Variants in ABCC1 observed in about 807,000 individuals in gnomAD.
ABCC1 encodes ATP binding cassette subfamily C member 1 (ABCC1 blood group).
In ABCC1, 83 loss-of-function variants were observed where a neutral mutation model predicts 172.9. The observed-to-expected ratio is 0.48, with a 90% CI of 0.40 to 0.58. The LOEUF is 0.58. Ranked by LOEUF, ABCC1 falls within the 20% of genes least tolerant of loss-of-function variation. The pLI is 0.00. For synonymous variants in ABCC1, 937 were observed against 825.2 expected (o/e 1.14, Z -2.32); for missense variants, 1,817 against 2,002.7 (o/e 0.91, Z 1.77).
intron 17 of ABCC1, among the ~76,000 whole-genome samples, chr16:16,084,916 C>T (rs1316262341): frequency 6.6e-6 from 1 of 152,166 alleles, no homozygotes; most frequent in Non-Finnish European, 1.5e-5. Context: ...CCACCTCGCC[C>T]GGCCTATAAC....
rs1284253621 is a variant in ABCC1, at chr16:15,978,391, CAAAT to C, written c.48+28596_48+28599del. On this transcript the variant is annotated intron_variant, in intron 1 of 30. Coordinates refer to ENST00000399410, the MANE Select transcript of ABCC1 (RefSeq NM_004996.4). Reference sequence around the variant, plus strand: ...TCAAACAAACAAACAAACAAACAAACAAATAAACAAAAAACAGGTATTGTCCTTG... The same window carrying C: ...TCAAACAAACAAACAAACAAACAAACAAACAAAAAACAGGTATTGTCCTTG... 8.9e-4 allele frequency among the ~76,000 whole-genome samples: 135 copies of C among 151,632 alleles called. 1 individual carries two copies. The highest frequency in any genetic ancestry group is 2.8e-3 in the African/African-American group (116 of 41,138).
At chr16:16,106,416 GAAA>G (rs56210046) in intron 20 of ABCC1, 65 of 124,588 alleles carry the variant, frequency 5.2e-4, no homozygotes, top group East Asian at 1.1e-3. Context: ...ATTGATCTCA[GAAA>G]AAAAAAAAAA....
intron 27 of ABCC1, among the ~76,000 whole-genome samples, chr16:16,132,449 C>T (rs1451887865): frequency 2.0e-5 from 3 of 149,596 alleles, no homozygotes; most frequent in African/African-American, 4.9e-5. Flanking sequence ...GCTGGGATTA[C>T]AGGAATCAGC....
intron 1 of ABCC1, among the ~76,000 whole-genome samples, chr16:16,000,427 G>C (rs886585984): frequency 1.3e-5 from 2 of 151,118 alleles, no homozygotes; most frequent in Non-Finnish European, 2.9e-5. Flanking sequence ...TTACAGGCAT[G>C]AGCCACCGTG....
In ABCC1 at chr16:16,033,138, C is replaced by T. The variant is rs772791393; in HGVS notation, c.645C>T (p.Phe215=). ...CCTGCCCAGAGTCCAGCGCTTCCTT[C>T]CTGTCGAGGATCACCTTCTGGTGGA... is the stretch of plus-strand genomic sequence containing the variant. ...PNPCPESSAS[F]LSRITFWWIT... The change falls in exon 6 of 31, where the codon TTC becomes TTT. Residue 215 remains phenylalanine (F), a synonymous_variant. Coordinates refer to ENST00000399410, the MANE Select transcript of ABCC1 (RefSeq NM_004996.4). 2.2e-5 allele frequency: 36 copies of T among 1,614,076 alleles called. No individual in the cohort carries two copies. Among genetic ancestry groups the T allele is most frequent in the Non-Finnish European group, 2.9e-5 (34 of 1,180,038 alleles).
intron 16 of ABCC1, 32 bp from the exon 17 acceptor site, chr16:16,083,334 C>G (rs2050877995): frequency 1.9e-6 from 3 of 1,605,712 alleles, no homozygotes; most frequent in South Asian, 2.2e-5. Flanking sequence ...GTCTGTGTGT[C>G]TGTCTCACCT....
At chr16:16,054,867 A>T (rs1171264762) in intron 11 of ABCC1, among the ~76,000 whole-genome samples, 4 of 152,238 alleles carry the variant, frequency 2.6e-5, no homozygotes. Context: ...AAAAGTATTT[A>T]ACAACTGCAC....
intron 1 of ABCC1, among the ~76,000 whole-genome samples, chr16:15,953,053 GGGCCGGGT>G (rs1233394815): frequency 6.9e-6 from 1 of 145,318 alleles, no homozygotes; most frequent in Non-Finnish European, 1.5e-5. Flanking sequence ...AAAAAAAAGA[GGGCCGGGT>G]GTAGTAGATC....
chr16:16,001,786 C>CT (rs1272516552), intron 1 of ABCC1, among the ~76,000 whole-genome samples: 36 of 152,152 alleles, frequency 2.4e-4, no homozygotes, highest in Non-Finnish European at 1.3e-4. Context: ...GCCTTTGTAC[C>CT]TTATCAGCTG....
At position 16,141,789 on chromosome 16, in the gene ABCC1, T is replaced by C; in HGVS notation, c.*508T>C. On this transcript the variant is annotated 3_prime_UTR_variant, in exon 31 of 31. Transcript: ENST00000399410. Reference sequence around the variant, plus strand: ...CTTCATTTCCTTGGGGCTGCAGTTTTGTGGTTGAGGGGCCTGGAGAAAATC... The same window carrying C: ...CTTCATTTCCTTGGGGCTGCAGTTTCGTGGTTGAGGGGCCTGGAGAAAATC... 6.4e-6 allele frequency: 1 copy of C among 156,590 alleles called. No homozygotes were observed. The highest frequency in any genetic ancestry group is 1.9e-4 in the East Asian group (1 of 5,362). 9.7% of individuals were successfully genotyped at this position (156,590 alleles called of 1,614,324 possible).
intron 5 of ABCC1, among the ~76,000 whole-genome samples, chr16:16,021,532 C>T (rs1254827249): frequency 6.6e-6 from 1 of 152,042 alleles, no homozygotes; most frequent in East Asian, 1.9e-4. Context: ...GCCTGACCAA[C>T]ATGGTGAAAT....
chr16:16,124,828 C>T lies in ABCC1; in HGVS notation c.3630C>T (p.Ile1210=), dbSNP rs563034902. 1.2e-4 allele frequency: 200 copies of T among 1,614,208 alleles called. 2 individuals are homozygous for T. In the South Asian group the frequency reaches 1.5e-3, roughly 12 times the overall value. ...GGCTGGAGTGTGTGGGCAACTGCAT[C>T]GTTCTGTTTGCTGCCCTGTTTGCGG... ...AVRLECVGNC[I]VLFAALFAVI... The change falls in exon 25 of 31, where the codon ATC becomes ATT. Residue 1210 remains isoleucine (I), a synonymous_variant. Transcript: ENST00000399410.
chr16:15,959,663 A>T (rs985144968), intron 1 of ABCC1, among the ~76,000 whole-genome samples: 1 of 151,970 alleles, frequency 6.6e-6, no homozygotes, highest in South Asian at 2.1e-4. Context: ...TTGAAGCTCT[A>T]CTCCTTCATT....
At chr16:15,975,082 C>A (rs2046453618) in intron 1 of ABCC1, among the ~76,000 whole-genome samples, 1 of 152,228 alleles carries the variant, frequency 6.6e-6, no homozygotes, top group Non-Finnish European at 1.5e-5. Context: ...AGCCACCATG[C>A]CCAGCCTCCC....
chr16:16,035,546 A>G (rs1597149364), intron 6 of ABCC1, among the ~76,000 whole-genome samples: 1 of 149,090 alleles, frequency 6.7e-6, no homozygotes, highest in African/African-American at 2.5e-5. Flanking sequence ...GCTGGAGTGC[A>G]GTGACACAAT....
Position 16,122,125 on chromosome 16 carries a change from A to C in ABCC1, c.3541A>C (p.Lys1181Gln). 6.2e-7 allele frequency: 1 copy of C among 1,614,160 alleles called. No homozygotes were observed. Among genetic ancestry groups the C allele is most frequent in the Non-Finnish European group, 8.5e-7 (1 of 1,180,030 alleles). Reference sequence around the variant, plus strand: ...GCGCTTCATCCACCAGAGTGACCTGAAGGTGGACGAGAACCAGAAGGCCTA... The same window carrying C: ...GCGCTTCATCCACCAGAGTGACCTGCAGGTGGACGAGAACCAGAAGGCCTA... ...QERFIHQSDLKVDENQKAYYP... is the reference protein window; with the variant it reads ...QERFIHQSDLQVDENQKAYYP... The change falls in exon 24 of 31, where the codon AAG (lysine) becomes CAG (glutamine). Residue 1181 changes from lysine (K) to glutamine (Q), a missense_variant. Lys to Gln is a moderately conservative substitution (Grantham distance 53). Coordinates refer to ENST00000399410, the MANE Select transcript of ABCC1 (RefSeq NM_004996.4).
upstream of ABCC1, chr16:15,949,561 G>T (rs1370857930): frequency 1.8e-5 from 3 of 165,224 alleles, no homozygotes; most frequent in Admixed American, 6.8e-5. Flanking sequence ...CCGCATCCCC[G>T]TGACGCGCGG....
Position 16,131,873 on chromosome 16 carries a change from TACC to T in ABCC1, c.3905_3907del (p.Tyr1302_Arg1303delinsTer). On this transcript the variant is annotated stop_gained and inframe_deletion, in exon 27 of 31. Coordinates refer to ENST00000399410, the MANE Select transcript of ABCC1 (RefSeq NM_004996.4). LOFTEE classifies it high-confidence loss of function. ...GGAATTCCGGAACTACTGCCTGCGC[TACC>T]GAGAGGACCTGGACTTCGTTCTCAG... The T allele has an allele frequency of 6.2e-7, 1 of 1,614,144 alleles. No homozygotes were observed. Among genetic ancestry groups the T allele is most frequent in the Non-Finnish European group, 8.5e-7 (1 of 1,180,006 alleles).
chr16:16,037,357 C>G (rs535363790), intron 7 of ABCC1, among the ~76,000 whole-genome samples: 2 of 152,180 alleles, frequency 1.3e-5, no homozygotes, highest in Non-Finnish European at 2.9e-5. Flanking sequence ...CTATGTAAGG[C>G]GTGCCCCACT....
Sources: allele counts gnomAD v4.1 joint callset (sites outside exome capture counted in the v4.1 genomes callset), GRCh38; gene constraint gnomAD v4.1.1; transcripts MANE v1.5; gene names NCBI Gene and HGNC (gene_info 2026-07-23, HGNC 2026-07-21).